UBE4B: variants seen among roughly 807,000 people sequenced by gnomAD.
UBE4B encodes the protein ubiquitin conjugation factor E4 B.
A neutral mutation model predicts 148.1 loss-of-function variants in UBE4B; 27 were observed. The observed-to-expected ratio is 0.18, with a 90% CI of 0.13 to 0.25. The LOEUF (loss-of-function observed/expected upper bound fraction) is 0.25, where lower values mean the gene tolerates loss of function less well. Among genes scored for constraint, UBE4B ranks in the 10% least tolerant of loss-of-function variants. UBE4B has a pLI of 1.00. For missense variants in UBE4B, 1,170 were observed against 1,662.4 expected (o/e 0.70, Z 5.15); for synonymous variants, 596 against 619.3 (o/e 0.96, Z 0.56).
chr1:10,121,511 A>T (rs1645410909), intron 9 of UBE4B, among the ~76,000 whole-genome samples: 2 of 152,058 alleles, frequency 1.3e-5, no homozygotes, highest in African/African-American at 4.8e-5. Flanking sequence ...CTCCTGCCTC[A>T]GCCTTCCAAG....
At chr1:10,107,224 T>G in intron 7 of UBE4B, 1 of 1,289,654 alleles carries the variant, frequency 7.8e-7, no homozygotes, top group Middle Eastern at 2.1e-4. Flanking sequence ...TGTGGTAGTA[T>G]GTACGACAAT....
At chr1:10,070,442 T>TAAAA (rs70998345) in intron 1 of UBE4B, among the ~76,000 whole-genome samples, 1 of 131,654 alleles carries the variant, frequency 7.6e-6, no homozygotes, top group Non-Finnish European at 1.6e-5. Flanking sequence ...CAGTTAAAAT[T>TAAAA]AAAAAAAAAA....
chr1:10,127,349 C>T (rs1224576308), intron 11 of UBE4B, among the ~76,000 whole-genome samples: 3 of 152,150 alleles, frequency 2.0e-5, no homozygotes, highest in Non-Finnish European at 2.9e-5. Context: ...TTCCTAAGGT[C>T]ATATTTACTT....
At position 10,033,564 on chromosome 1, in the gene UBE4B, G is replaced by C; in HGVS notation, c.-107G>C. 7.6e-7 allele frequency: 1 copy of C among 1,319,944 alleles called. No homozygotes were observed. The highest frequency in any genetic ancestry group is 1.5e-5 in the African/African-American group (1 of 65,948). The allele number at this position is 1,319,944 out of a possible 1,614,324, so 81.8% of individuals were successfully genotyped here. A position where few individuals can be genotyped will look rare whatever the true frequency, so the allele number is the denominator to read the frequency against. On this transcript the variant is annotated 5_prime_UTR_variant, in exon 1 of 28. Coordinates refer to ENST00000343090, the MANE Select transcript of UBE4B (RefSeq NM_001105562.3). ...TGCAATTCTGAAACCTCCCCCATTCGGGGGACCAGACAGCCTGATAGACAC... is the reference window on the plus strand; with the variant it reads ...TGCAATTCTGAAACCTCCCCCATTCCGGGGACCAGACAGCCTGATAGACAC...
At chr1:10,122,656 G>T (rs1645429588) in intron 10 of UBE4B, among the ~76,000 whole-genome samples, 1 of 152,232 alleles carries the variant, frequency 6.6e-6, no homozygotes, top group African/African-American at 2.4e-5. Flanking sequence ...ACGTAGTCTT[G>T]AAGGTTTCTT....
chr1:10,070,165 T>C (rs1644459423), intron 1 of UBE4B, among the ~76,000 whole-genome samples: 1 of 151,564 alleles, frequency 6.6e-6, no homozygotes, highest in Non-Finnish European at 1.5e-5. Flanking sequence ...TCCCAGCTAC[T>C]TGGGAGGCTG....
intron 1 of UBE4B, among the ~76,000 whole-genome samples, chr1:10,050,745 G>T (rs1251984379): frequency 6.7e-6 from 1 of 148,662 alleles, no homozygotes; most frequent in Non-Finnish European, 1.5e-5. Context: ...TTTTATAGAG[G>T]TGGAGTTTCA....
At chr1:10,179,378 C>G (rs777958713) in intron 26 of UBE4B, 38 bp from the exon 27 acceptor site, 24 of 1,604,684 alleles carry the variant, frequency 1.5e-5, no homozygotes, top group East Asian at 4.5e-5. Flanking sequence ...GTCGTGGGCT[C>G]TCAGTAGATT....
chr1:10,178,838 T>C lies in UBE4B; in HGVS notation c.3700+20T>C. 1.3e-6 allele frequency: 2 copies of C among 1,565,352 alleles called. No homozygotes were observed. The highest frequency in any genetic ancestry group is 4.6e-5 in the East Asian group (2 of 43,664). Reference sequence around the variant, plus strand: ...TCAGAGGCAAGTGGACTCGTCGTTTTCATGCTGATTTCTTTTGAGTTAACT... The same window carrying C: ...TCAGAGGCAAGTGGACTCGTCGTTTCCATGCTGATTTCTTTTGAGTTAACT... On this transcript the variant is annotated intron_variant, in intron 26 of 27. Transcript: ENST00000343090.
At chr1:10,080,656 CTAAA>C (rs1315499010) in intron 2 of UBE4B, among the ~76,000 whole-genome samples, 1 of 152,100 alleles carries the variant, frequency 6.6e-6, no homozygotes, top group Non-Finnish European at 1.5e-5. Flanking sequence ...TGGAAGCAAC[CTAAA>C]TAATCCATCT....
intron 14 of UBE4B, among the ~76,000 whole-genome samples, 198 bp from the exon 15 acceptor site, chr1:10,132,171 A>G (rs915913665): frequency 1.3e-5 from 2 of 151,986 alleles, no homozygotes; most frequent in Admixed American, 6.6e-5. Flanking sequence ...CCCCCACTCC[A>G]TATTCTGCTT....
At chr1:10,125,718 T>C (rs773635867) in intron 10 of UBE4B, among the ~76,000 whole-genome samples, 1 of 152,304 alleles carries the variant, frequency 6.6e-6, no homozygotes, top group Middle Eastern at 3.4e-3. Flanking sequence ...AGTGCTTGCA[T>C]TGTGAAATTT....
At chr1:10,042,508 G>C (rs1021983153) in intron 1 of UBE4B, among the ~76,000 whole-genome samples, 1 of 152,128 alleles carries the variant, frequency 6.6e-6, no homozygotes, top group African/African-American at 2.4e-5. Flanking sequence ...TTAGCCGGGC[G>C]TGGTGGTGCA....
intron 14 of UBE4B, among the ~76,000 whole-genome samples, chr1:10,131,159 A>AT (rs1446608241): frequency 1.3e-5 from 2 of 152,142 alleles, no homozygotes; most frequent in Non-Finnish European, 2.9e-5. Context: ...ATGCAGATTA[A>AT]TATGTCTTCA....
intron 15 of UBE4B, among the ~76,000 whole-genome samples, chr1:10,134,049 C>CAAAAA (rs367557718): frequency 0.018 from 2,426 of 135,896 alleles, 30 homozygotes; most frequent in Non-Finnish European, 0.028. Context: ...AACCCTGTCT[C>CAAAAA]AAAAAAAAAA....
chr1:10,075,012 C>T (rs2101837161), intron 2 of UBE4B, among the ~76,000 whole-genome samples: 1 of 152,310 alleles, frequency 6.6e-6, no homozygotes, highest in South Asian at 2.1e-4. Flanking sequence ...GCTGTTGCCT[C>T]ACATTTTATC....
At position 10,129,436 on chromosome 1, in the gene UBE4B, T is replaced by C; in HGVS notation, c.1683T>C (p.Pro561=). The C allele has an allele frequency of 1.2e-6, 2 of 1,612,234 alleles. No individual in the cohort carries two copies. Among genetic ancestry groups the C allele is most frequent in the South Asian group, 1.1e-5 (1 of 90,946 alleles). ...AAACCAAGTTTGGGAAGACACACCC[T>C]GTGTGCAATTTGGTAAGCACTCACC... is the stretch of plus-strand genomic sequence containing the variant. The part of the protein sequence containing the change: ...LCETKFGKTH[P]VCNLVASLRL... Residue 561 remains proline (P), a synonymous_variant, in exon 12 of 28, where the codon CCT becomes CCC. Coordinates refer to ENST00000343090, the MANE Select transcript of UBE4B (RefSeq NM_001105562.3).
intron 7 of UBE4B, chr1:10,107,189 C>T: frequency 7.8e-7 from 1 of 1,288,648 alleles, no homozygotes; most frequent in Non-Finnish European, 1.0e-6. Flanking sequence ...TTTCTTTGTT[C>T]TCTGATGGCC....
intron 1 of UBE4B, among the ~76,000 whole-genome samples, chr1:10,063,920 A>G (rs1441403751): frequency 1.3e-5 from 2 of 152,082 alleles, no homozygotes; most frequent in Admixed American, 6.6e-5. Flanking sequence ...GAAAAAAAAA[A>G]AAAAGAAAAG....
Sources: allele counts gnomAD v4.1 joint callset (sites outside exome capture counted in the v4.1 genomes callset), GRCh38; gene constraint gnomAD v4.1.1; transcripts MANE v1.5; gene names NCBI Gene and HGNC (gene_info 2026-07-23, HGNC 2026-07-21).